ATRNL1: variants seen among roughly 807,000 people sequenced by gnomAD.
ATRNL1 encodes the protein attractin like 1, also known as attractin-like protein 1.
In ATRNL1, 95 loss-of-function variants were observed where a neutral mutation model predicts 182.7. That is an observed-to-expected ratio of 0.52 (90% CI 0.44 to 0.62). The LOEUF (loss-of-function observed/expected upper bound fraction) is 0.62. ATRNL1 is among the 20% of genes least tolerant of loss of function. The pLI is 0.00. For missense variants in ATRNL1, 1,471 were observed against 1,679.5 expected (o/e 0.88, Z 2.17); for synonymous variants, 576 against 568.3 (o/e 1.01, Z -0.19).
At chr10:115,916,255 T>G (rs1467381149) in intron 28 of ATRNL1, among the ~76,000 whole-genome samples, 1 of 152,196 alleles carries the variant, frequency 6.6e-6, no homozygotes, top group Non-Finnish European at 1.5e-5. Context: ...GGTCTCAACT[T>G]TACTGCGGAA....
chr10:115,944,365 G>T (rs983436418), intron 28 of ATRNL1, among the ~76,000 whole-genome samples: 3 of 151,594 alleles, frequency 2.0e-5, no homozygotes, highest in African/African-American at 7.3e-5. Context: ...TGGAGAGGAA[G>T]GTTTAGGGTC....
intron 25 of ATRNL1, among the ~76,000 whole-genome samples, chr10:115,547,619 T>C (rs1171057200): frequency 6.6e-6 from 1 of 152,088 alleles, no homozygotes; most frequent in Non-Finnish European, 1.5e-5. Flanking sequence ...ATATCCGTAA[T>C]TTAAAAGAGG....
chr10:115,758,409 C>G (rs952826275), intron 27 of ATRNL1, among the ~76,000 whole-genome samples: 1 of 152,104 alleles, frequency 6.6e-6, no homozygotes, highest in African/African-American at 2.4e-5. Context: ...CTGGAGTTTG[C>G]TGGAGGTCCA....
chr10:115,251,959 A>G (rs1463087205), intron 10 of ATRNL1, among the ~76,000 whole-genome samples: 1 of 152,098 alleles, frequency 6.6e-6, no homozygotes, highest in Non-Finnish European at 1.5e-5. Flanking sequence ...CTCCCCTCTG[A>G]ACCTAGTACC....
At chr10:115,637,414 T>G (rs1452547052) in intron 26 of ATRNL1, among the ~76,000 whole-genome samples, 3 of 151,964 alleles carry the variant, frequency 2.0e-5, no homozygotes, top group Non-Finnish European at 2.9e-5. Flanking sequence ...CTTTAAAAAG[T>G]AAAACCAAAG....
chr10:115,784,098 A>G (rs1046009673), intron 27 of ATRNL1, among the ~76,000 whole-genome samples: 23 of 152,190 alleles, frequency 1.5e-4, no homozygotes, highest in African/African-American at 5.1e-4. Context: ...TTTGTGAACT[A>G]AAACAAGAGA....
At chr10:115,248,468 G>A (rs1554904627) in intron 10 of ATRNL1, among the ~76,000 whole-genome samples, 1 of 152,068 alleles carries the variant, frequency 6.6e-6, no homozygotes, top group Admixed American at 6.6e-5. Flanking sequence ...GATCAAGTAG[G>A]ATTCATTCTA....
intron 26 of ATRNL1, among the ~76,000 whole-genome samples, chr10:115,671,890 T>G (rs1040776652): frequency 2.0e-5 from 3 of 152,114 alleles, no homozygotes; most frequent in East Asian, 3.9e-4. Flanking sequence ...GGATATGATA[T>G]TATCTTGAGA....
At chr10:115,730,209 A>C (rs1555062242) in intron 27 of ATRNL1, among the ~76,000 whole-genome samples, 1 of 136,604 alleles carries the variant, frequency 7.3e-6, no homozygotes, top group Non-Finnish European at 1.5e-5. Context: ...GTGAGCCAAG[A>C]TTGCACCACT....
At chr10:115,410,158 A>G (rs1397600897) in intron 20 of ATRNL1, among the ~76,000 whole-genome samples, 1 of 152,072 alleles carries the variant, frequency 6.6e-6, no homozygotes, top group Non-Finnish European at 1.5e-5. Context: ...GAAAATGTCC[A>G]TCAGTGATAT....
intron 19 of ATRNL1, among the ~76,000 whole-genome samples, chr10:115,374,318 AT>A (rs1333852564): frequency 6.6e-6 from 1 of 150,702 alleles, no homozygotes; most frequent in African/African-American, 2.4e-5. Context: ...GATCTTTTTT[AT>A]TTTTTTCTAG....
intron 26 of ATRNL1, among the ~76,000 whole-genome samples, chr10:115,598,350 A>ATTATTTATTTAT (rs35735636): frequency 7.3e-4 from 106 of 145,854 alleles, no homozygotes; most frequent in Admixed American, 2.7e-3. Context: ...ATTTAAAAAA[A>ATTATTTATTTAT]TTATTTATTT....
chr10:115,629,008 A>T (rs534478431), intron 26 of ATRNL1, among the ~76,000 whole-genome samples: 7 of 152,090 alleles, frequency 4.6e-5, no homozygotes, highest in Admixed American at 2.6e-4. Context: ...TCTCATTTTT[A>T]TTCCATTTCT....
intron 20 of ATRNL1, among the ~76,000 whole-genome samples, chr10:115,417,671 C>A (rs1845458804): frequency 6.6e-6 from 1 of 152,168 alleles, no homozygotes; most frequent in Non-Finnish European, 1.5e-5. Flanking sequence ...TGTTCAGAGA[C>A]CTCCTGGGAG....
At chr10:115,461,703 G>C (rs530806468) in intron 21 of ATRNL1, among the ~76,000 whole-genome samples, 1 of 151,798 alleles carries the variant, frequency 6.6e-6, no homozygotes, top group Non-Finnish European at 1.5e-5. Context: ...TTTTAACTTT[G>C]TAATAGCATC....
intron 24 of ATRNL1, among the ~76,000 whole-genome samples, chr10:115,491,471 T>C (rs1170008951): frequency 5.9e-5 from 9 of 151,900 alleles, no homozygotes; most frequent in Non-Finnish European, 1.2e-4. Flanking sequence ...AGAGAGGCAG[T>C]CTGGCCGCAG....
chr10:115,204,487 TATC>T (rs1848722985), intron 8 of ATRNL1, among the ~76,000 whole-genome samples: 1 of 152,150 alleles, frequency 6.6e-6, no homozygotes, highest in African/African-American at 2.4e-5. Context: ...TGAGAGTTTT[TATC>T]ATGAAAATAT....
At chr10:115,809,514 T>G (rs899175739) in intron 27 of ATRNL1, among the ~76,000 whole-genome samples, 1 of 152,028 alleles carries the variant, frequency 6.6e-6, no homozygotes. Context: ...GGATTTTTAG[T>G]GAAATATTTT....
intron 24 of ATRNL1, among the ~76,000 whole-genome samples, chr10:115,481,229 A>G (rs1338643712): frequency 1.3e-5 from 2 of 150,396 alleles, no homozygotes; most frequent in African/African-American, 4.8e-5. Flanking sequence ...TGTTTTTAAT[A>G]CTATAAGAAT....
Sources: allele counts gnomAD v4.1 joint callset (sites outside exome capture counted in the v4.1 genomes callset), GRCh38; gene constraint gnomAD v4.1.1; transcripts MANE v1.5; gene names NCBI Gene and HGNC (gene_info 2026-07-23, HGNC 2026-07-21).